ANKS1B: variants seen among roughly 807,000 people sequenced by gnomAD.
ANKS1B encodes ankyrin repeat and sterile alpha motif domain-containing protein 1B.
Under a neutral mutation model 148.3 loss-of-function variants are expected in ANKS1B, and 36 were observed. That is an observed-to-expected ratio of 0.24 (90% CI 0.19 to 0.32). ANKS1B has a LOEUF of 0.32. ANKS1B is among the 10% of genes least tolerant of loss of function. The pLI is 1.00. For synonymous variants in ANKS1B, 542 were observed against 560.8 expected (o/e 0.97, Z 0.47); for missense variants, 1,157 against 1,542.6 (o/e 0.75, Z 4.19).
intron 8 of ANKS1B, among the ~76,000 whole-genome samples, chr12:99,757,706 G>A (rs1601550637): frequency 1.3e-5 from 2 of 151,864 alleles, no homozygotes; most frequent in African/African-American, 4.8e-5. Flanking sequence ...TATCAGTGAT[G>A]GACTGAATAA....
intron 1 of ANKS1B, among the ~76,000 whole-genome samples, chr12:99,866,123 A>C (rs552795500): frequency 2.0e-5 from 3 of 152,194 alleles, no homozygotes; most frequent in African/African-American, 7.2e-5. Context: ...TTTTACCTTA[A>C]TTCTGCTGAC....
At chr12:99,148,605 T>C (rs1050573412) in intron 15 of ANKS1B, among the ~76,000 whole-genome samples, 4 of 152,216 alleles carry the variant, frequency 2.6e-5, no homozygotes, top group African/African-American at 9.6e-5. Context: ...TAAATAACAA[T>C]TGGAAAGAAC....
At chr12:98,883,487 G>A (rs2099721588) in intron 17 of ANKS1B, among the ~76,000 whole-genome samples, 1 of 152,198 alleles carries the variant, frequency 6.6e-6, no homozygotes, top group African/African-American at 2.4e-5. Context: ...ACAGAGCTGT[G>A]CTTGATGAAG....
At chr12:99,649,584 CA>C in intron 9 of ANKS1B, 1 of 553,036 alleles carries the variant, frequency 1.8e-6, no homozygotes, top group Non-Finnish European at 3.2e-6. Context: ...ACAGCACTGG[CA>C]AAAGCAGCCT....
chr12:99,940,450 C>G (rs2094891663), intron 1 of ANKS1B, among the ~76,000 whole-genome samples: 1 of 151,974 alleles, frequency 6.6e-6, no homozygotes. Flanking sequence ...AAAAACTAGG[C>G]AGAGTAAATG....
chr12:99,527,559 T>C (rs1241392159), intron 9 of ANKS1B, among the ~76,000 whole-genome samples: 2 of 152,166 alleles, frequency 1.3e-5, no homozygotes, highest in East Asian at 3.9e-4. Context: ...TGGAGAGTTA[T>C]ATCTTACAAT....
At chr12:99,467,745 C>T (rs1221195337) in intron 10 of ANKS1B, among the ~76,000 whole-genome samples, 4 of 152,068 alleles carry the variant, frequency 2.6e-5, no homozygotes, top group African/African-American at 9.7e-5. Context: ...ACATGAAGGA[C>T]CTCTTCAAGG....
chr12:99,234,950 C>T (rs1566696733), intron 14 of ANKS1B, among the ~76,000 whole-genome samples: 1 of 152,038 alleles, frequency 6.6e-6, no homozygotes, highest in Non-Finnish European at 1.5e-5. Flanking sequence ...TGGTACATGC[C>T]ATGGTCAATC....
chr12:99,010,963 G>T (rs2099939058), intron 17 of ANKS1B, among the ~76,000 whole-genome samples: 1 of 141,884 alleles, frequency 7.0e-6, no homozygotes, highest in Admixed American at 7.2e-5. Context: ...GGCTGGTCTT[G>T]AAGTCCTGGC....
intron 1 of ANKS1B, among the ~76,000 whole-genome samples, chr12:99,923,721 T>G (rs925228701): frequency 3.9e-5 from 6 of 152,250 alleles, no homozygotes; most frequent in African/African-American, 1.4e-4. Flanking sequence ...AGTAGAAACA[T>G]CTTCTCCTTT....
intron 10 of ANKS1B, among the ~76,000 whole-genome samples, chr12:99,444,951 CATATAAAA>C (rs964330915): frequency 2.0e-5 from 3 of 151,942 alleles, no homozygotes; most frequent in Admixed American, 2.0e-4. Context: ...CTCTACCTAC[CATATAAAA>C]ATATAACTCA....
intron 17 of ANKS1B, among the ~76,000 whole-genome samples, chr12:98,836,183 T>C (rs2099361709): frequency 6.6e-6 from 1 of 152,206 alleles, no homozygotes; most frequent in African/African-American, 2.4e-5. Context: ...GGTTATGTCA[T>C]CATGAGGCTT....
At chr12:99,083,026 C>G (rs2050360113) in intron 16 of ANKS1B, among the ~76,000 whole-genome samples, 1 of 152,096 alleles carries the variant, frequency 6.6e-6, no homozygotes, top group Admixed American at 6.6e-5. Context: ...ATAGGAATTA[C>G]TTCCTGAATT....
At chr12:99,862,057 T>C (rs911976725) in intron 1 of ANKS1B, among the ~76,000 whole-genome samples, 5 of 152,214 alleles carry the variant, frequency 3.3e-5, no homozygotes, top group Admixed American at 3.3e-4. Context: ...TTCTTCATTG[T>C]AATAGCTCTA....
At chr12:99,956,143 TG>T (rs2095320315) in intron 1 of ANKS1B, among the ~76,000 whole-genome samples, 1 of 150,870 alleles carries the variant, frequency 6.6e-6, no homozygotes, top group South Asian at 2.1e-4. Flanking sequence ...CCAGGTGTGG[TG>T]GTGGGCGCCT....
intron 17 of ANKS1B, among the ~76,000 whole-genome samples, chr12:98,886,540 G>A (rs1050313463): frequency 1.3e-5 from 2 of 152,148 alleles, no homozygotes; most frequent in Admixed American, 6.5e-5. Context: ...TCCTGAAGTA[G>A]GTAACAATGT....
At chr12:99,541,199 C>T (rs2097122598) in intron 9 of ANKS1B, among the ~76,000 whole-genome samples, 2 of 151,880 alleles carry the variant, frequency 1.3e-5, no homozygotes, top group African/African-American at 2.4e-5. Context: ...TTAAAGAAGA[C>T]AATAACAATC....
chr12:99,388,812 AAG>A (rs781159392), intron 12 of ANKS1B, among the ~76,000 whole-genome samples: 16 of 152,186 alleles, frequency 1.1e-4, no homozygotes, highest in Non-Finnish European at 1.8e-4. Flanking sequence ...GCTAGCAACA[AAG>A]AGAGAGAAAT....
At chr12:99,534,850 C>T (rs1056996748) in intron 9 of ANKS1B, among the ~76,000 whole-genome samples, 1 of 151,654 alleles carries the variant, frequency 6.6e-6, no homozygotes, top group East Asian at 1.9e-4. Flanking sequence ...GCTGGGACTA[C>T]AGGCACCTGC....
Sources: allele counts gnomAD v4.1 joint callset (sites outside exome capture counted in the v4.1 genomes callset), GRCh38; gene constraint gnomAD v4.1.1; transcripts MANE v1.5; gene names NCBI Gene and HGNC (gene_info 2026-07-23, HGNC 2026-07-21).